Variants in GALNT13 observed in about 807,000 individuals in gnomAD.
The protein encoded by GALNT13 is polypeptide N-acetylgalactosaminyltransferase 13.
In GALNT13, 28 loss-of-function variants were observed where a neutral mutation model predicts 64.2. The observed-to-expected ratio is 0.44, with a 90% CI of 0.32 to 0.60. The LOEUF (loss-of-function observed/expected upper bound fraction) is 0.60, where lower values mean the gene tolerates loss of function less well. Among genes scored for constraint, GALNT13 ranks in the 20% least tolerant of loss-of-function variants. The pLI, the probability that GALNT13 is intolerant of heterozygous loss-of-function variation, is 0.05. For missense variants in GALNT13, 577 were observed against 669.8 expected (o/e 0.86, Z 1.53); for synonymous variants, 214 against 224.6 (o/e 0.95, Z 0.42).
At chr2:153,181,030 C>CTTTTTTTTTTTTTTTTTTTTTTTT in the GALNT13 span, among the ~76,000 whole-genome samples, 4 of 32,100 alleles carry the variant, frequency 1.2e-4, 1 homozygote, top group African/African-American at 2.9e-4. Context: ...TTTATTGTTT[C>CTTTTTTTTTTTTTTTTTTTTTTTT]TTTTTTTTTT....
chr2:153,588,465 C>T, the GALNT13 span, among the ~76,000 whole-genome samples: 1 of 152,212 alleles, frequency 6.6e-6, no homozygotes, highest in Non-Finnish European at 1.5e-5. Context: ...ACAGGTTCAA[C>T]ACCACATGCA....
intron 3 of GALNT13, among the ~76,000 whole-genome samples, chr2:154,109,026 T>A (rs1368578179): frequency 6.6e-6 from 1 of 151,994 alleles, no homozygotes; most frequent in African/African-American, 2.4e-5. Flanking sequence ...TATTTGAGGG[T>A]TTTATTGGTT....
the GALNT13 span, among the ~76,000 whole-genome samples, chr2:153,803,694 A>AAC: frequency 6.7e-6 from 1 of 149,286 alleles, no homozygotes; most frequent in African/African-American, 2.5e-5. Context: ...TCTGTCTCAA[A>AAC]AAAAAAAAAA....
chr2:154,211,564 T>A (rs1687764345), intron 4 of GALNT13, among the ~76,000 whole-genome samples: 1 of 145,410 alleles, frequency 6.9e-6, no homozygotes, highest in African/African-American at 2.6e-5. Flanking sequence ...GGAGGCAGAT[T>A]TTGCAGTGAG....
the GALNT13 span, among the ~76,000 whole-genome samples, chr2:153,544,858 T>C: frequency 1.3e-5 from 2 of 152,122 alleles, no homozygotes; most frequent in African/African-American, 2.4e-5. Flanking sequence ...GTTAACAAAA[T>C]CGGTTATAAT....
At chr2:153,249,507 A>T in the GALNT13 span, among the ~76,000 whole-genome samples, 1 of 152,218 alleles carries the variant, frequency 6.6e-6, no homozygotes, top group African/African-American at 2.4e-5. Context: ...GACTTTCTTC[A>T]CAGAATTAGA....
chr2:153,214,078 A>AT, the GALNT13 span, among the ~76,000 whole-genome samples: 16 of 152,162 alleles, frequency 1.1e-4, no homozygotes, highest in Non-Finnish European at 2.1e-4. Context: ...TGTTAACTTT[A>AT]TTTTTTCTGT....
chr2:153,336,553 T>G, the GALNT13 span, among the ~76,000 whole-genome samples: 6 of 152,202 alleles, frequency 3.9e-5, no homozygotes, highest in Admixed American at 1.3e-4. Flanking sequence ...TTCTCCCATT[T>G]GGAACTTCTG....
At chr2:153,398,725 T>C in the GALNT13 span, among the ~76,000 whole-genome samples, 1 of 150,530 alleles carries the variant, frequency 6.6e-6, no homozygotes, top group Non-Finnish European at 1.5e-5. Flanking sequence ...TGTCTTCTTT[T>C]GAGAAGTGTC....
the GALNT13 span, among the ~76,000 whole-genome samples, chr2:153,431,140 ACT>A: frequency 6.8e-6 from 1 of 146,630 alleles, no homozygotes; most frequent in Admixed American, 6.9e-5. Context: ...ACAGAGAGAG[ACT>A]CTGTCAAAAA....
chr2:153,953,946 C>T (rs535859734), intron 3 of GALNT13, among the ~76,000 whole-genome samples: 1 of 152,210 alleles, frequency 6.6e-6, no homozygotes, highest in East Asian at 1.9e-4. Flanking sequence ...AAGGTTTCTT[C>T]TCATAAATCC....
intron 3 of GALNT13, among the ~76,000 whole-genome samples, chr2:154,106,740 C>T (rs573125307): frequency 2.0e-5 from 3 of 151,722 alleles, no homozygotes; most frequent in South Asian, 2.1e-4. Flanking sequence ...AGATGTTTTA[C>T]TGTAAATTGA....
At chr2:154,341,685 C>G (rs1182540610) in intron 9 of GALNT13, among the ~76,000 whole-genome samples, 1 of 151,778 alleles carries the variant, frequency 6.6e-6, no homozygotes, top group Non-Finnish European at 1.5e-5. Context: ...AGCAAGTACT[C>G]TGGCATATTT....
chr2:153,427,860 A>G, the GALNT13 span, among the ~76,000 whole-genome samples: 1 of 152,152 alleles, frequency 6.6e-6, no homozygotes, highest in South Asian at 2.1e-4. Flanking sequence ...TCCCAGCTAG[A>G]AAATTATTTT....
intron 9 of GALNT13, among the ~76,000 whole-genome samples, chr2:154,375,154 AT>A (rs1397887268): frequency 6.6e-6 from 1 of 151,908 alleles, no homozygotes. Context: ...AGCCCAGCTA[AT>A]TTTTTATATT....
At chr2:153,600,912 C>G in the GALNT13 span, among the ~76,000 whole-genome samples, 1 of 151,884 alleles carries the variant, frequency 6.6e-6, no homozygotes, top group Non-Finnish European at 1.5e-5. Flanking sequence ...ATAATCCTCC[C>G]TAATTCAATC....
the GALNT13 span, among the ~76,000 whole-genome samples, chr2:153,089,679 G>A: frequency 6.6e-6 from 1 of 150,784 alleles, no homozygotes; most frequent in Non-Finnish European, 1.5e-5. Flanking sequence ...TTTTTTCTTT[G>A]TCTCTGTCTT....
At chr2:153,615,574 A>G in the GALNT13 span, among the ~76,000 whole-genome samples, 5 of 152,034 alleles carry the variant, frequency 3.3e-5, no homozygotes, top group African/African-American at 1.2e-4. Flanking sequence ...AGCCATTTCA[A>G]CAGAGGTGAG....
chr2:153,300,911 T>C, the GALNT13 span, among the ~76,000 whole-genome samples: 2 of 152,150 alleles, frequency 1.3e-5, no homozygotes, highest in East Asian at 3.9e-4. Context: ...ATTCATTAAA[T>C]TAAGAGTATA....
Sources: allele counts gnomAD v4.1 joint callset (sites outside exome capture counted in the v4.1 genomes callset), GRCh38; gene constraint gnomAD v4.1.1; transcripts MANE v1.5; gene names NCBI Gene and HGNC (gene_info 2026-07-23, HGNC 2026-07-21).